BRINP3: variants seen among roughly 807,000 people sequenced by gnomAD.
The protein encoded by BRINP3 is BMP/retinoic acid inducible neural specific 3.
In BRINP3, 19 loss-of-function variants were observed where a neutral mutation model predicts 71.0. The ratio of observed to expected loss-of-function variants is 0.27; its 90% CI spans 0.19 to 0.39. The LOEUF is 0.39. Ranked by LOEUF, BRINP3 falls within the 10% of genes least tolerant of loss-of-function variation. The pLI, the probability that BRINP3 is intolerant of heterozygous loss-of-function variation, is 1.00. For missense variants in BRINP3, 959 were observed against 940.8 expected (o/e 1.02, Z -0.25); for synonymous variants, 380 against 337.7 (o/e 1.13, Z -1.37).
chr1:190,416,653 A>C (rs899536854), intron 2 of BRINP3, among the ~76,000 whole-genome samples: 1 of 152,226 alleles, frequency 6.6e-6, no homozygotes, highest in African/African-American at 2.4e-5. Flanking sequence ...TAATGATGTA[A>C]GCATTTATTC....
intron 2 of BRINP3, among the ~76,000 whole-genome samples, chr1:190,361,489 G>A (rs1030383237): frequency 5.3e-5 from 8 of 152,026 alleles, no homozygotes; most frequent in Middle Eastern, 3.4e-3. Context: ...TGCAACCCCC[G>A]CCTCCAGGGT....
chr1:190,138,004 G>A (rs1433956203), intron 7 of BRINP3, among the ~76,000 whole-genome samples: 1 of 151,906 alleles, frequency 6.6e-6, no homozygotes. Flanking sequence ...GCCCAGGCTG[G>A]AGTACAATGG....
At chr1:190,380,862 G>A (rs1270854371) in intron 2 of BRINP3, among the ~76,000 whole-genome samples, 1 of 151,818 alleles carries the variant, frequency 6.6e-6, no homozygotes, top group Admixed American at 6.6e-5. Flanking sequence ...AAATTAGTGG[G>A]GATTAATGCC....
intron 6 of BRINP3, among the ~76,000 whole-genome samples, chr1:190,195,249 A>T (rs916256518): frequency 1.3e-5 from 2 of 151,928 alleles, no homozygotes; most frequent in Admixed American, 1.3e-4. Flanking sequence ...TTTTATAATT[A>T]AAAAGATTAC....
At chr1:190,346,161 G>C (rs1668010541) in intron 2 of BRINP3, among the ~76,000 whole-genome samples, 1 of 151,786 alleles carries the variant, frequency 6.6e-6, no homozygotes, top group South Asian at 2.1e-4. Context: ...GTAGTAAAAT[G>C]ATTAAACATA....
chr1:190,241,988 T>C (rs1004589672), intron 4 of BRINP3, among the ~76,000 whole-genome samples: 2 of 151,746 alleles, frequency 1.3e-5, no homozygotes, highest in Non-Finnish European at 2.9e-5. Context: ...TTTCCTCTGA[T>C]AGTCATTAAG....
At chr1:190,383,436 T>G (rs1670679348) in intron 2 of BRINP3, among the ~76,000 whole-genome samples, 1 of 152,042 alleles carries the variant, frequency 6.6e-6, no homozygotes, top group South Asian at 2.1e-4. Context: ...TAGCAAGAAC[T>G]ACTATCTAAA....
At chr1:190,350,213 T>TC (rs1235609108) in intron 2 of BRINP3, among the ~76,000 whole-genome samples, 1 of 152,096 alleles carries the variant, frequency 6.6e-6, no homozygotes, top group Non-Finnish European at 1.5e-5. Flanking sequence ...AACATGAATT[T>TC]CATTCATCGC....
chr1:190,305,018 A>G (rs1262153705), intron 2 of BRINP3, among the ~76,000 whole-genome samples: 1 of 151,964 alleles, frequency 6.6e-6, no homozygotes, highest in Non-Finnish European at 1.5e-5. Flanking sequence ...AAAAATTCTC[A>G]ACATTATTAA....
chr1:190,125,370 G>T lies in BRINP3; in HGVS notation c.1185-26236C>A, dbSNP rs1163183156. 2.7e-5 allele frequency among the ~76,000 whole-genome samples: 4 copies of T among 150,710 alleles called. No individual in the cohort carries two copies. The East Asian group carries it at 5.9e-4, about 22-fold the overall frequency. On this transcript the variant is annotated intron_variant, in intron 7 of 7. Coordinates refer to ENST00000367462, the MANE Select transcript of BRINP3 (RefSeq NM_199051.3). ...ATTATATATATACATACTATTTTTT[G>T]AATAAAATGTGTAGATATGCCCATA...
At chr1:190,206,922 G>A (rs568874993) in intron 6 of BRINP3, among the ~76,000 whole-genome samples, 1 of 149,938 alleles carries the variant, frequency 6.7e-6, no homozygotes, top group South Asian at 2.1e-4. Context: ...TAGGCCTCCA[G>A]AGAGAAAGAA....
At chr1:190,167,467 G>C (rs1379613211) in intron 6 of BRINP3, among the ~76,000 whole-genome samples, 1 of 152,112 alleles carries the variant, frequency 6.6e-6, no homozygotes, top group Non-Finnish European at 1.5e-5. Context: ...GACTGTGGGT[G>C]AGTTTACTAC....
intron 2 of BRINP3, among the ~76,000 whole-genome samples, chr1:190,299,177 C>T (rs1364145676): frequency 6.6e-6 from 1 of 151,908 alleles, no homozygotes; most frequent in Non-Finnish European, 1.5e-5. Flanking sequence ...TTACTTCTAC[C>T]TAACCTATAT....
intron 7 of BRINP3, among the ~76,000 whole-genome samples, chr1:190,108,608 T>C (rs1557973465): frequency 1.3e-5 from 2 of 149,038 alleles, no homozygotes; most frequent in Admixed American, 6.8e-5. Context: ...AGCAATCTAG[T>C]ATGCCTAACC....
chr1:190,207,448 T>C (rs1223968464), intron 6 of BRINP3, among the ~76,000 whole-genome samples: 1 of 152,122 alleles, frequency 6.6e-6, no homozygotes, highest in African/African-American at 2.4e-5. Context: ...CTTTGTCAAT[T>C]CCTTAAATGA....
At chr1:190,300,743 G>C (rs1278057585) in intron 2 of BRINP3, among the ~76,000 whole-genome samples, 1 of 151,930 alleles carries the variant, frequency 6.6e-6, no homozygotes, top group Non-Finnish European at 1.5e-5. Flanking sequence ...AAACTAACCA[G>C]CAGAAAGGAC....
chr1:190,347,526 G>T (rs1252814779), intron 2 of BRINP3, among the ~76,000 whole-genome samples: 6 of 152,108 alleles, frequency 3.9e-5, no homozygotes, highest in Admixed American at 3.9e-4. Context: ...GGACTAATCT[G>T]TTTCTCCAGG....
intron 2 of BRINP3, among the ~76,000 whole-genome samples, chr1:190,321,041 C>A (rs150546358): frequency 1.8e-3 from 273 of 151,872 alleles, no homozygotes; most frequent in Non-Finnish European, 3.1e-3. Context: ...AATAAATAAT[C>A]CTTTAAAATA....
chr1:190,378,732 G>A (rs1011064413), intron 2 of BRINP3, among the ~76,000 whole-genome samples: 1 of 152,128 alleles, frequency 6.6e-6, no homozygotes, highest in Non-Finnish European at 1.5e-5. Context: ...AAATTAAGTG[G>A]TCTGGCTAGA....
Sources: gnomAD v4.1 joint callset for allele counts (sites outside exome capture counted in the v4.1 genomes callset) on GRCh38, gnomAD v4.1.1 for gene constraint, MANE v1.5 for transcripts, NCBI Gene and HGNC (gene_info 2026-07-23, HGNC 2026-07-21) for gene names.